EPB41L4A: variants seen among roughly 807,000 people sequenced by gnomAD.
EPB41L4A encodes the protein erythrocyte membrane protein band 4.1 like 4A.
In EPB41L4A, 100 loss-of-function variants were observed where a neutral mutation model predicts 108.6. The ratio of observed to expected loss-of-function variants is 0.92; its 90% confidence interval spans 0.78 to 1.09. The LOEUF (loss-of-function observed/expected upper bound fraction) is 1.09, where lower values mean the gene tolerates loss of function less well. EPB41L4A is among the 50% of genes least tolerant of loss of function. The pLI, the probability that EPB41L4A is intolerant of heterozygous loss-of-function variation, is 0.00. For missense variants in EPB41L4A, 1,030 were observed against 842.7 expected (o/e 1.22, Z -2.75); for synonymous variants, 319 against 289.0 (o/e 1.10, Z -1.05).
intron 22 of EPB41L4A, among the ~76,000 whole-genome samples, chr5:112,167,945 C>G (rs1760351469): frequency 6.6e-6 from 1 of 152,208 alleles, no homozygotes; most frequent in Non-Finnish European, 1.5e-5. Flanking sequence ...GGATGAGAGT[C>G]AGTAGATACA....
intron 7 of EPB41L4A, among the ~76,000 whole-genome samples, chr5:112,260,655 C>T (rs936424915): frequency 1.3e-5 from 2 of 152,108 alleles, no homozygotes; most frequent in East Asian, 3.9e-4. Context: ...ATAATCTCTT[C>T]TGGTAAAGAC....
At chr5:112,315,475 T>C (rs1378576047) in intron 1 of EPB41L4A, among the ~76,000 whole-genome samples, 2 of 152,206 alleles carry the variant, frequency 1.3e-5, no homozygotes, top group Non-Finnish European at 2.9e-5. Context: ...TTTCTTCCTG[T>C]TTCTTATGAA....
chr5:112,245,599 T>C (rs747098822), intron 9 of EPB41L4A, among the ~76,000 whole-genome samples: 2 of 152,056 alleles, frequency 1.3e-5, no homozygotes, highest in African/African-American at 2.4e-5. Context: ...GCTACTAAAA[T>C]ATAGCAAGTG....
At chr5:112,314,955 T>TA (rs1169836327) in intron 1 of EPB41L4A, among the ~76,000 whole-genome samples, 1 of 152,026 alleles carries the variant, frequency 6.6e-6, no homozygotes, top group Non-Finnish European at 1.5e-5. Flanking sequence ...ATAAATAAAT[T>TA]AAAATTTTGT....
chr5:112,360,182 G>T (rs1758627956), intron 1 of EPB41L4A, among the ~76,000 whole-genome samples: 1 of 152,128 alleles, frequency 6.6e-6, no homozygotes, highest in African/African-American at 2.4e-5. Context: ...CAGCACTTTG[G>T]GAGGCCGAGG....
intron 9 of EPB41L4A, among the ~76,000 whole-genome samples, chr5:112,252,470 A>T (rs1750749467): frequency 6.6e-6 from 1 of 152,156 alleles, no homozygotes; most frequent in Non-Finnish European, 1.5e-5. Flanking sequence ...TATTATACCA[A>T]AAAAGGAAGA....
chr5:112,165,049 T>C lies in EPB41L4A; in HGVS notation c.2002A>G (p.Lys668Glu). Residue 668 changes from lysine (K) to glutamate (E), a missense_variant, in exon 23 of 23, where the codon AAA (lysine) becomes GAA (glutamate). Transcript: ENST00000261486. ...PQTSTNNLAG[K>E]HTAKTIKTIQ... is the part of the protein sequence containing the mutation. ...GTTTTTATTGTTTTTGCTGTGTGTT[T>C]TCCAGCCAGGTTGTTTGTAGATGTC... 1 of 1,614,066 alleles carries C rather than the reference T, an allele frequency of 6.2e-7. No individual in the cohort carries two copies. The highest frequency in any genetic ancestry group is 8.5e-7 in the Non-Finnish European group (1 of 1,179,966).
At chr5:112,249,826 G>C (rs1750528952) in intron 9 of EPB41L4A, among the ~76,000 whole-genome samples, 1 of 152,114 alleles carries the variant, frequency 6.6e-6, no homozygotes. Context: ...ATAAGTATGG[G>C]AAACACTGGG....
chr5:112,324,334 T>G (rs1269833546), intron 1 of EPB41L4A, among the ~76,000 whole-genome samples: 2 of 152,146 alleles, frequency 1.3e-5, no homozygotes, highest in Non-Finnish European at 2.9e-5. Context: ...GTAACCACAG[T>G]AGGATTTTTT....
rs1312291935 is a variant in EPB41L4A at position 112,204,481 on chromosome 5, A to G, written c.1270T>C (p.Tyr424His). Reference protein sequence around the residue: ...WEENGPQSGLYNSPSDRTKSP... With the variant: ...WEENGPQSGLHNSPSDRTKSP... ...TTAGTGCGATCACTGGGAGAATTGT[A>G]GAGTCCACTGGAGAGAAAGAAAAAT... Residue 424 changes from tyrosine to histidine, a missense_variant, in exon 15 of 23, where the codon TAC (tyrosine) becomes CAC (histidine). Coordinates refer to ENST00000261486, the MANE Select transcript of EPB41L4A (RefSeq NM_022140.5). 1 of 1,610,070 alleles carries G rather than the reference A, an allele frequency of 6.2e-7. No individual in the cohort carries two copies.
intron 1 of EPB41L4A, among the ~76,000 whole-genome samples, chr5:112,397,834 C>T (rs1165978830): frequency 2.6e-5 from 4 of 152,188 alleles, no homozygotes; most frequent in African/African-American, 9.7e-5. Flanking sequence ...AATCCTCAAT[C>T]ACACGGCTAG....
At chr5:112,374,771 T>C (rs956126504) in intron 1 of EPB41L4A, among the ~76,000 whole-genome samples, 2 of 152,144 alleles carry the variant, frequency 1.3e-5, no homozygotes, top group Non-Finnish European at 2.9e-5. Flanking sequence ...GGGGAAGGGG[T>C]CAGAAGGTAA....
chr5:112,370,335 C>T (rs927613447), intron 1 of EPB41L4A, among the ~76,000 whole-genome samples: 1 of 151,780 alleles, frequency 6.6e-6, no homozygotes, highest in East Asian at 1.9e-4. Flanking sequence ...CCACATATGA[C>T]CAAATTACTC....
intron 1 of EPB41L4A, among the ~76,000 whole-genome samples, chr5:112,340,600 G>A (rs1374351441): frequency 6.6e-6 from 1 of 152,126 alleles, no homozygotes; most frequent in Non-Finnish European, 1.5e-5. Flanking sequence ...AATAAAAACA[G>A]ATCCCTGCTC....
intron 1 of EPB41L4A, among the ~76,000 whole-genome samples, chr5:112,328,561 A>C (rs972329210): frequency 2.6e-5 from 4 of 152,204 alleles, no homozygotes; most frequent in Non-Finnish European, 5.9e-5. Context: ...TTGATTAATA[A>C]CCAGAGTGGA....
At chr5:112,380,743 A>G (rs958346277) in intron 1 of EPB41L4A, among the ~76,000 whole-genome samples, 1 of 151,922 alleles carries the variant, frequency 6.6e-6, no homozygotes, top group Non-Finnish European at 1.5e-5. Context: ...TGATGCTGTT[A>G]TAACTTCAGT....
chr5:112,326,857 A>G (rs979081050), intron 1 of EPB41L4A, among the ~76,000 whole-genome samples: 3 of 152,212 alleles, frequency 2.0e-5, no homozygotes, highest in Non-Finnish European at 4.4e-5. Context: ...GCAGCAGAGC[A>G]ATAACAGTCA....
intron 7 of EPB41L4A, 64 bp downstream of exon 7, chr5:112,262,430 C>G: frequency 7.3e-7 from 1 of 1,365,768 alleles, no homozygotes; most frequent in South Asian, 1.2e-5. Context: ...TTGGGAGTCT[C>G]AGTGACTTTT....
intron 17 of EPB41L4A, among the ~76,000 whole-genome samples, chr5:112,192,773 C>A (rs1159797472): frequency 6.6e-6 from 1 of 152,086 alleles, no homozygotes; most frequent in Admixed American, 6.5e-5. Context: ...TTTGGCTCCC[C>A]CAAAAATGTT....
Sources: gnomAD v4.1 joint callset for allele counts (sites outside exome capture counted in the v4.1 genomes callset) on GRCh38, gnomAD v4.1.1 for gene constraint, MANE v1.5 for transcripts, NCBI Gene and HGNC (gene_info 2026-07-23, HGNC 2026-07-21) for gene names.